Variants in GRB10 observed in about 807,000 individuals in gnomAD.
GRB10 encodes the protein growth factor receptor-bound protein 10.
A neutral mutation model predicts 80.9 loss-of-function variants in GRB10; 20 were observed. The observed-to-expected ratio is 0.25, with a 90% confidence interval of 0.17 to 0.36. The LOEUF is 0.36. Ranked by LOEUF, GRB10 falls within the 10% of genes least tolerant of loss-of-function variation. GRB10 has a pLI of 1.00. For missense variants in GRB10, 548 were observed against 747.7 expected (o/e 0.73, Z 3.12); for synonymous variants, 291 against 291.5 (o/e 1.00, Z 0.02).
chr7:50,734,867 T>C (rs1220831574), intron 3 of GRB10, among the ~76,000 whole-genome samples: 1 of 152,192 alleles, frequency 6.6e-6, no homozygotes, highest in Middle Eastern at 3.2e-3. Context: ...TGGTGAAAGA[T>C]GAAAAGCTTC....
chr7:50,763,870 A>T (rs930026925), intron 2 of GRB10, among the ~76,000 whole-genome samples: 1 of 152,098 alleles, frequency 6.6e-6, no homozygotes, highest in Non-Finnish European at 1.5e-5. Context: ...CTTCCCACTT[A>T]ACCAGCCCTA....
intron 17 of GRB10, among the ~76,000 whole-genome samples, chr7:50,600,659 T>C (rs906194054): frequency 6.6e-5 from 10 of 151,346 alleles, no homozygotes; most frequent in African/African-American, 2.2e-4. Context: ...GATTTAGGAG[T>C]GGGAAAAACA....
intron 5 of GRB10, among the ~76,000 whole-genome samples, chr7:50,703,589 ACTGATCGTG>A (rs1250425157): frequency 1.3e-5 from 2 of 152,322 alleles, no homozygotes; most frequent in Admixed American, 1.3e-4. Flanking sequence ...CTCGTATGAA[ACTGATCGTG>A]AAGTTTTGCT....
intron 3 of GRB10, among the ~76,000 whole-genome samples, chr7:50,754,503 C>T (rs1166891999): frequency 6.6e-6 from 1 of 152,094 alleles, no homozygotes; most frequent in Non-Finnish European, 1.5e-5. Context: ...TCCTCACTGG[C>T]GCCAGGACCC....
chr7:50,631,406 T>A (rs1462603712), intron 7 of GRB10, among the ~76,000 whole-genome samples: 1 of 152,182 alleles, frequency 6.6e-6, no homozygotes, highest in Non-Finnish European at 1.5e-5. Context: ...CCCTGAGACC[T>A]TCACACAGAA....
chr7:50,608,163 G>T (rs532062142), intron 13 of GRB10, among the ~76,000 whole-genome samples: 3 of 152,260 alleles, frequency 2.0e-5, no homozygotes, highest in African/African-American at 7.2e-5. Context: ...AGCCCGCTCC[G>T]AGCATATATC....
chr7:50,605,784 G>A (rs1203393553), intron 14 of GRB10, among the ~76,000 whole-genome samples: 2 of 152,116 alleles, frequency 1.3e-5, no homozygotes, highest in African/African-American at 4.8e-5. Flanking sequence ...CGGGGACGTG[G>A]GTTCAGGAAA....
chr7:50,666,847 T>C (rs2059860355), intron 7 of GRB10, among the ~76,000 whole-genome samples: 1 of 152,098 alleles, frequency 6.6e-6, no homozygotes, highest in Non-Finnish European at 1.5e-5. Context: ...GAGACCATCC[T>C]GGCTAACACG....
intron 7 of GRB10, among the ~76,000 whole-genome samples, chr7:50,643,797 A>G (rs1239450207): frequency 6.6e-6 from 1 of 152,210 alleles, no homozygotes; most frequent in African/African-American, 2.4e-5. Context: ...ATGTATCTCT[A>G]TATATGTACA....
chr7:50,640,073 G>C (rs117856586), intron 7 of GRB10, among the ~76,000 whole-genome samples: 2,912 of 152,322 alleles, frequency 0.019, 43 homozygotes, highest in Non-Finnish European at 0.029. Flanking sequence ...TCTCTAGAAA[G>C]GTTTAATCTG....
intron 2 of GRB10, among the ~76,000 whole-genome samples, chr7:50,760,921 T>C (rs897001840): frequency 1.3e-5 from 2 of 152,230 alleles, no homozygotes; most frequent in Non-Finnish European, 2.9e-5. Flanking sequence ...CCACCCTTGA[T>C]TGACAACCTA....
intron 7 of GRB10, among the ~76,000 whole-genome samples, chr7:50,628,272 A>AG (rs899012745): frequency 6.6e-6 from 1 of 152,208 alleles, no homozygotes; most frequent in Non-Finnish European, 1.5e-5. Flanking sequence ...CTGGATCTGC[A>AG]GGGTGGGTGA....
intron 8 of GRB10, among the ~76,000 whole-genome samples, chr7:50,622,487 G>C (rs891693356): frequency 2.6e-5 from 4 of 152,202 alleles, no homozygotes; most frequent in Non-Finnish European, 5.9e-5. Flanking sequence ...TGCTCTTCCT[G>C]TTTCAACCTA....
intron 7 of GRB10, among the ~76,000 whole-genome samples, chr7:50,628,840 T>C (rs1359485123): frequency 6.6e-6 from 1 of 152,204 alleles, no homozygotes; most frequent in African/African-American, 2.4e-5. Context: ...TGTCACTCAA[T>C]GAAAGTATAC....
intron 3 of GRB10, among the ~76,000 whole-genome samples, chr7:50,748,013 G>GTAAATT: frequency 6.6e-6 from 1 of 152,082 alleles, no homozygotes; most frequent in African/African-American, 2.4e-5. Context: ...CGTGCAGGTG[G>GTAAATT]CAAATTCTAG....
intron 18 of GRB10, among the ~76,000 whole-genome samples, chr7:50,593,803 G>A (rs1415911863): frequency 2.0e-5 from 3 of 152,118 alleles, no homozygotes; most frequent in African/African-American, 7.2e-5. Flanking sequence ...GCTAATTAAT[G>A]AGCTTGGAAC....
intron 5 of GRB10, among the ~76,000 whole-genome samples, chr7:50,680,182 C>T (rs944382645): frequency 6.6e-6 from 1 of 152,218 alleles, no homozygotes; most frequent in African/African-American, 2.4e-5. Context: ...CGGGTTCCTA[C>T]ACACAGGCAG....
intron 2 of GRB10, chr7:50,779,295 C>T (rs1017283459): frequency 2.0e-5 from 3 of 152,142 alleles, no homozygotes; most frequent in Non-Finnish European, 2.9e-5. Flanking sequence ...CAGGTCCCAA[C>T]CAAGACCAAC....
chr7:50,744,279 A>G (rs1313353480), intron 3 of GRB10, among the ~76,000 whole-genome samples: 1 of 152,174 alleles, frequency 6.6e-6, no homozygotes, highest in Non-Finnish European at 1.5e-5. Context: ...AAAGAAAAGG[A>G]CGGCAGGGAG....
Sources: gnomAD v4.1 joint callset for allele counts (sites outside exome capture counted in the v4.1 genomes callset) on GRCh38, gnomAD v4.1.1 for gene constraint, MANE v1.5 for transcripts, NCBI Gene and HGNC (gene_info 2026-07-23, HGNC 2026-07-21) for gene names.